The following TWSG1 variants were observed in gnomAD, a reference collection of about 807,000 sequenced individuals.
The protein encoded by TWSG1 is twisted gastrulation protein homolog 1.
TWSG1 carries 15 observed loss-of-function variants against 23.0 expected under a neutral mutation model. That is an observed-to-expected ratio of 0.65 (90% CI 0.44 to 1.00). TWSG1 has a LOEUF of 1.00. Among genes scored for constraint, TWSG1 ranks in the 50% least tolerant of loss-of-function variants. The pLI is 0.00. For missense variants in TWSG1, 242 were observed against 278.7 expected (o/e 0.87, Z 0.94); for synonymous variants, 86 against 92.8 (o/e 0.93, Z 0.42).
At chr18:9,389,833 A>G (rs1056316621) in intron 3 of TWSG1, among the ~76,000 whole-genome samples, 1 of 152,226 alleles carries the variant, frequency 6.6e-6, no homozygotes, top group South Asian at 2.1e-4. Flanking sequence ...GCCATACCCC[A>G]CGGAAATATT....
rs189903713 is a variant in TWSG1, at chr18:9,395,632, T to C, written c.224-648T>C. On this transcript the variant is annotated intron_variant, in intron 3 of 4. Transcript: ENST00000262120. ...CCCAGGCTAGAGTCCAATGGTACAG[T>C]GATAGCTTACTGCTGCCTTATCTCC... Among the ~76,000 whole-genome samples, 229 of 152,314 alleles carry C rather than the reference T, an allele frequency of 1.5e-3. 2 individuals carry two copies. Among genetic ancestry groups the C allele is most frequent in the Non-Finnish European group, 3.4e-4 (23 of 68,028 alleles).
At chr18:9,398,574 C>T (rs1284764043) in intron 4 of TWSG1, among the ~76,000 whole-genome samples, 1 of 152,104 alleles carries the variant, frequency 6.6e-6, no homozygotes, top group East Asian at 1.9e-4. Flanking sequence ...TCTCCTGCCT[C>T]AGCCTCCCGA....
At chr18:9,343,015 T>G (rs1205702863) in intron 2 of TWSG1, among the ~76,000 whole-genome samples, 3 of 152,098 alleles carry the variant, frequency 2.0e-5, no homozygotes, top group Non-Finnish European at 2.9e-5. Context: ...GATGCCAGTC[T>G]GTTTCTTATT....
chr18:9,360,221 T>A (rs2040546229), intron 3 of TWSG1, 150 bp downstream of exon 3: 1 of 559,542 alleles, frequency 1.8e-6, no homozygotes, highest in Non-Finnish European at 3.1e-6. Context: ...ATTTTTACAT[T>A]CAATTGTATT....
Position 9,399,677 on chromosome 18 carries a change from C to A in TWSG1, c.*150C>A. Reference sequence around the variant, plus strand: ...GTTTCTTTTAAAAATATGACATAGCCAGTGATGTGTTTAATTATATAACTG... The same window carrying A: ...GTTTCTTTTAAAAATATGACATAGCAAGTGATGTGTTTAATTATATAACTG... On this transcript the variant is annotated 3_prime_UTR_variant, in exon 5 of 5. Transcript: ENST00000262120. 1.5e-6 allele frequency: 1 copy of A among 663,600 alleles called. No homozygotes were observed. The allele number at this position is 663,600 out of a possible 1,614,324, so 41.1% of individuals were successfully genotyped here.
chr18:9,336,350 C>T (rs572781801), intron 1 of TWSG1, among the ~76,000 whole-genome samples: 1 of 151,850 alleles, frequency 6.6e-6, no homozygotes, highest in East Asian at 1.9e-4. Context: ...CGAGATTGCG[C>T]CACTGCACTC....
chr18:9,339,315 T>G (rs1409444281), intron 2 of TWSG1, among the ~76,000 whole-genome samples: 1 of 152,178 alleles, frequency 6.6e-6, no homozygotes, highest in Non-Finnish European at 1.5e-5. Flanking sequence ...TTTTTTTGTT[T>G]GTTTGACTCT....
intron 1 of TWSG1, among the ~76,000 whole-genome samples, chr18:9,335,772 A>G (rs1429593415): frequency 6.6e-6 from 1 of 152,246 alleles, no homozygotes; most frequent in East Asian, 1.9e-4. Context: ...TACCAGGTCC[A>G]AAGCCCTTTA....
rs191860985 is a variant in TWSG1, at chr18:9,366,098, C to T, written c.223+6027C>T. On this transcript the variant is annotated intron_variant, in intron 3 of 4. Transcript: ENST00000262120. ...ATCTTGAGCCACCTGTTTAGCATGT[C>T]GTGGAACACTATAATTCAGTGGTGC... 5.9e-5 allele frequency among the ~76,000 whole-genome samples: 9 copies of T among 152,292 alleles called. No individual in the cohort carries two copies. The East Asian group carries it at 1.5e-3, about 26-fold the overall frequency.
chr18:9,341,826 A>C (rs1301803125), intron 2 of TWSG1, among the ~76,000 whole-genome samples: 2 of 151,148 alleles, frequency 1.3e-5, no homozygotes, highest in Admixed American at 6.6e-5. Context: ...TTTTTTTAGC[A>C]ATGAGACAGA....
intron 2 of TWSG1, among the ~76,000 whole-genome samples, chr18:9,338,986 C>T (rs1246644523): frequency 2.6e-5 from 4 of 152,118 alleles, no homozygotes; most frequent in Non-Finnish European, 5.9e-5. Flanking sequence ...ATCACTTGAG[C>T]CCAGGAGTTT....
At chr18:9,355,811 G>A (rs979586211) in intron 2 of TWSG1, among the ~76,000 whole-genome samples, 5 of 152,166 alleles carry the variant, frequency 3.3e-5, no homozygotes, top group Admixed American at 2.0e-4. Flanking sequence ...TCAAAAGGTC[G>A]GTTTGAAGAG....
chr18:9,368,938 ACT>A (rs2145615313), intron 3 of TWSG1, among the ~76,000 whole-genome samples: 1 of 149,294 alleles, frequency 6.7e-6, no homozygotes, highest in South Asian at 2.1e-4. Context: ...ACAGAGCGAG[ACT>A]CTGTCTCAAA....
At chr18:9,339,893 C>CCATT (rs2040438543) in intron 2 of TWSG1, among the ~76,000 whole-genome samples, 1 of 152,260 alleles carries the variant, frequency 6.6e-6, no homozygotes, top group Admixed American at 6.5e-5. Context: ...TGGAGCTTCA[C>CCATT]CTAACTCAAA....
At chr18:9,375,680 G>A (rs1392711934) in intron 3 of TWSG1, among the ~76,000 whole-genome samples, 3 of 152,164 alleles carry the variant, frequency 2.0e-5, no homozygotes, top group Non-Finnish European at 2.9e-5. Flanking sequence ...AGCAATTGCT[G>A]TTCTACATAC....
At chr18:9,398,468 G>GT (rs957648498) in intron 4 of TWSG1, among the ~76,000 whole-genome samples, 11 of 150,132 alleles carry the variant, frequency 7.3e-5, no homozygotes, top group African/African-American at 2.8e-4. Context: ...TTGTTTGTTT[G>GT]TTTTTTGAAA....
chr18:9,346,373 T>C (rs1002501828), intron 2 of TWSG1, among the ~76,000 whole-genome samples: 3 of 152,224 alleles, frequency 2.0e-5, no homozygotes, highest in African/African-American at 7.2e-5. Flanking sequence ...ATTGTATGAA[T>C]GTACTTACTG....
rs201511863 is a variant in TWSG1 at position 9,393,566 on chromosome 18, A to AT, written c.224-2706dup. Among the ~76,000 whole-genome samples the AT allele has an allele frequency of 5.9e-3, 902 of 151,756 alleles. 10 individuals carry two copies. Among genetic ancestry groups the AT allele is most frequent in the African/African-American group, 0.02 (845 of 41,406 alleles). On this transcript the variant is annotated intron_variant, in intron 3 of 4. Coordinates refer to ENST00000262120, the MANE Select transcript of TWSG1 (RefSeq NM_020648.6). Reference sequence around the variant, plus strand: ...AAATTATTTTTATTTCCATCTGTTTATTTTTTTTAGAGACTGGGTCTTACT... The same window carrying AT: ...AAATTATTTTTATTTCCATCTGTTTATTTTTTTTTAGAGACTGGGTCTTACT...
chr18:9,339,719 C>T (rs935468696), intron 2 of TWSG1, among the ~76,000 whole-genome samples: 8 of 151,986 alleles, frequency 5.3e-5, no homozygotes, highest in African/African-American at 1.9e-4. Flanking sequence ...AGGAGAATCA[C>T]TTGAACCCAG....
Sources: allele counts gnomAD v4.1 joint callset (sites outside exome capture counted in the v4.1 genomes callset), GRCh38; gene constraint gnomAD v4.1.1; transcripts MANE v1.5; gene names NCBI Gene and HGNC (gene_info 2026-07-23, HGNC 2026-07-21).